The following POLR2E variants were observed in gnomAD, a reference collection of about 807,000 sequenced individuals.
The protein encoded by POLR2E is DNA-directed RNA polymerases I, II, and III subunit RPABC1.
POLR2E carries 35 observed loss-of-function variants against 29.8 expected under a neutral mutation model. The ratio of observed to expected loss-of-function variants is 1.17; its 90% CI spans 0.90 to 1.55. The LOEUF (loss-of-function observed/expected upper bound fraction) is 1.55, where lower values mean the gene tolerates loss of function less well. Ranked by LOEUF, POLR2E falls within the 40% of genes most tolerant of loss-of-function variation. The pLI, the probability that POLR2E is intolerant of heterozygous loss-of-function variation, is 0.00. For missense variants in POLR2E, 287 were observed against 288.6 expected (o/e 0.99, Z 0.04); for synonymous variants, 174 against 112.6 (o/e 1.55, Z -3.45).
At chr19:1,090,684 C>T (rs572992412) in intron 4 of POLR2E, among the ~76,000 whole-genome samples, 1 of 152,096 alleles carries the variant, frequency 6.6e-6, no homozygotes, top group South Asian at 2.1e-4. Context: ...TCCCAAAGTG[C>T]TGGGATTACA....
rs1313525268 is a variant in POLR2E at position 1,095,346 on chromosome 19, C to A, written c.-31G>T. 8 of 1,611,880 alleles carry A rather than the reference C, an allele frequency of 5.0e-6. No homozygotes were observed. Among genetic ancestry groups the A allele is most frequent in the Non-Finnish European group, 6.8e-6 (8 of 1,179,236 alleles). ...CCTCCGCCGCCGCCGCCGCTCGCAC[C>A]CCTTCTCCGCGCGAGAACCCGCGCG... On this transcript the variant is annotated 5_prime_UTR_variant, in exon 1 of 8. Coordinates refer to ENST00000615234, the MANE Select transcript of POLR2E (RefSeq NM_002695.5).
Position 1,089,475 on chromosome 19 carries a change from T to TCAGGCGGTAGCTACTGCAC in POLR2E, c.625_*10dup, listed in dbSNP as rs2043781822. 6.2e-7 allele frequency: 1 copy of TCAGGCGGTAGCTACTGCAC among 1,609,868 alleles called. No individual in the cohort carries two copies. Among genetic ancestry groups the TCAGGCGGTAGCTACTGCAC allele is most frequent in the Non-Finnish European group, 8.5e-7 (1 of 1,176,670 alleles). ...GCCTGTCCCTCGGCCGTCTCACCTG[T>TCAGGCGGTAGCTACTGCAC]CAGGCGGTAGCTACTGCACCAGCCG... On this transcript the variant is annotated 3_prime_UTR_variant, in exon 7 of 8. Transcript: ENST00000615234.
At chr19:1,094,187 C>T (rs1015066586) in intron 1 of POLR2E, 109 bp from the exon 2 acceptor site, 15 of 984,682 alleles carry the variant, frequency 1.5e-5, no homozygotes, top group Non-Finnish European at 2.2e-5. Flanking sequence ...AGGTGAACAG[C>T]AAACGGGATG....
In POLR2E at chr19:1,093,765, G is replaced by T. The variant is rs1453587061; in HGVS notation, c.232+139C>A. Reference sequence around the variant, plus strand: ...CAACGGCATCACCCACAGCAAGGAAGGGGAGGGGAGTTTTCCTCCCAGACT... The same window carrying T: ...CAACGGCATCACCCACAGCAAGGAATGGGAGGGGAGTTTTCCTCCCAGACT... On this transcript the variant is annotated intron_variant, in intron 2 of 7. Coordinates refer to ENST00000615234, the MANE Select transcript of POLR2E (RefSeq NM_002695.5). The T allele has an allele frequency of 1.1e-5, 15 of 1,415,434 alleles. No individual in the cohort carries two copies. The South Asian group carries it at 2.0e-4, about 19-fold the overall frequency. The allele number at this position is 1,415,434 out of a possible 1,614,324, so 87.7% of individuals were successfully genotyped here.
chr19:1,091,849 C>A lies in POLR2E; in HGVS notation c.291G>T (p.Glu97Asp). The change falls in exon 3 of 8, where the codon GAG becomes GAT. Residue 97 changes from glutamate (E) to aspartate (D), a missense_variant. Glu to Asp is a conservative substitution (Grantham distance 45). Transcript: ENST00000615234. ...CCACGATGAGAGCCCGTGTGATGTT[C>A]TCCTCCTGCATGCGCTGGCAGTACA... ...IKVYCQRMQEENITRALIVVQ... is the reference protein window; with the variant it reads ...IKVYCQRMQEDNITRALIVVQ... The A allele has an allele frequency of 1.2e-6, 2 of 1,613,126 alleles. No homozygotes were observed. The highest frequency in any genetic ancestry group is 1.7e-6 in the Non-Finnish European group (2 of 1,179,700).
intron 2 of POLR2E, chr19:1,093,602 C>CAT: frequency 2.1e-6 from 1 of 468,062 alleles, no homozygotes. Context: ...GATGGGGGAG[C>CAT]CAAGGGACAC....
In POLR2E at chr19:1,095,346, C is replaced by G; in HGVS notation, c.-31G>C. ...CCTCCGCCGCCGCCGCCGCTCGCACCCCTTCTCCGCGCGAGAACCCGCGCG... is the reference window on the plus strand; with the variant it reads ...CCTCCGCCGCCGCCGCCGCTCGCACGCCTTCTCCGCGCGAGAACCCGCGCG... On this transcript the variant is annotated 5_prime_UTR_variant, in exon 1 of 8. Coordinates refer to ENST00000615234, the MANE Select transcript of POLR2E (RefSeq NM_002695.5). The G allele has an allele frequency of 6.2e-7, 1 of 1,611,998 alleles. No individual in the cohort carries two copies.
At chr19:1,090,043 C>T (rs369351804) in intron 5 of POLR2E, 44 bp downstream of exon 5, 98 of 1,531,580 alleles carry the variant, frequency 6.4e-5, no homozygotes, top group Admixed American at 2.5e-4. Flanking sequence ...GCGGAAGTCT[C>T]GAGGGACAGG....
intron 7 of POLR2E, 52 bp downstream of exon 7, chr19:1,089,420 C>G (rs55994602): frequency 8.1e-7 from 1 of 1,233,838 alleles, no homozygotes; most frequent in East Asian, 2.4e-5. Context: ...ACGGAGGGGA[C>G]GACACCCCTG....
chr19:1,093,692 A>G (rs867038660), intron 2 of POLR2E: 20 of 1,322,244 alleles, frequency 1.5e-5, no homozygotes, highest in Middle Eastern at 2.8e-4. Context: ...AGAGAAGGGG[A>G]CTGAGAGGGA....
intron 4 of POLR2E, 33 bp from the exon 5 acceptor site, chr19:1,090,178 A>C (rs751558653): frequency 6.3e-7 from 1 of 1,599,278 alleles, no homozygotes; most frequent in South Asian, 1.1e-5. Flanking sequence ...GGCATCACCA[A>C]GGGCTGGTGA....
At chr19:1,090,226 C>G in intron 4 of POLR2E, 81 bp from the exon 5 acceptor site, 1 of 1,185,794 alleles carries the variant, frequency 8.4e-7, no homozygotes, top group Admixed American at 1.8e-5. Context: ...ACAGCCCCTG[C>G]GCCTTCAGAC....
intron 6 of POLR2E, 109 bp from the exon 7 acceptor site, chr19:1,089,660 T>C (rs1185741494): frequency 2.1e-6 from 2 of 950,252 alleles, no homozygotes; most frequent in African/African-American, 1.6e-5. Context: ...GGGTCCGAGA[T>C]GGCTGACCCT....
rs1402872486 is a variant in POLR2E, at chr19:1,087,170, T to C, written c.*1565A>G. 6.6e-6 allele frequency: 1 copy of C among 150,390 alleles called. No individual in the cohort carries two copies. Among genetic ancestry groups the C allele is most frequent in the Non-Finnish European group, 1.5e-5 (1 of 67,600 alleles). 9.3% of individuals were successfully genotyped at this position (150,390 alleles called of 1,614,324 possible). ...TGTGCCCAGGTAATCTTAAAGTTTT[T>C]TGTAGAGGTGGGGGGTTTCTCTGTG... On this transcript the variant is annotated 3_prime_UTR_variant, in exon 8 of 8. Transcript: ENST00000615234.
intron 6 of POLR2E, 94 bp from the exon 7 acceptor site, chr19:1,089,645 G>T: frequency 9.0e-7 from 1 of 1,112,302 alleles, no homozygotes; most frequent in Non-Finnish European, 1.4e-6. Flanking sequence ...GGGGATGGCC[G>T]GCAGGGGTCC....
Position 1,091,872 on chromosome 19 carries a change from A to T in POLR2E, c.268T>A (p.Tyr90Asn), listed in dbSNP as rs1195457733. 1 of 1,613,170 alleles carries T rather than the reference A, an allele frequency of 6.2e-7. No individual in the cohort carries two copies. The highest frequency in any genetic ancestry group is 1.7e-5 in the Admixed American group (1 of 60,016). ...TTCTCCTCCTGCATGCGCTGGCAGTACACCTTGATGGTCTTGATGCCCACC... is the reference window on the plus strand; with the variant it reads ...TTCTCCTCCTGCATGCGCTGGCAGTTCACCTTGATGGTCTTGATGCCCACC... ...PKVGIKTIKVYCQRMQEENIT... is the reference protein window; with the variant it reads ...PKVGIKTIKVNCQRMQEENIT... The change falls in exon 3 of 8, where the codon TAC becomes AAC. Residue 90 changes from tyrosine to asparagine, a missense_variant. Physicochemically the swap from Tyr to Asn is moderately radical, Grantham distance 143. Coordinates refer to ENST00000615234, the MANE Select transcript of POLR2E (RefSeq NM_002695.5).
intron 2 of POLR2E, chr19:1,092,483 C>CCT (rs1415861854): frequency 1.3e-5 from 2 of 152,052 alleles, no homozygotes; most frequent in Non-Finnish European, 1.5e-5. Flanking sequence ...GGGCAGATCA[C>CCT]GATGTCAGGA....
At position 1,089,411 on chromosome 19, in the gene POLR2E, CGGAG is replaced by C. The variant is rs1314219591; in HGVS notation, c.*14+57_*14+60del. Reference sequence around the variant, plus strand: ...AAGCAAGAACAGCCCTGCACACCGACGGAGGGGACGACACCCCTGCCTCTGACCC... The same window carrying C: ...AAGCAAGAACAGCCCTGCACACCGACGGGACGACACCCCTGCCTCTGACCC... On this transcript the variant is annotated intron_variant, in intron 7 of 7. Transcript: ENST00000615234. 1.3e-5 allele frequency: 14 copies of C among 1,111,146 alleles called. No individual in the cohort carries two copies. In the Admixed American group the frequency reaches 2.2e-4, roughly 17 times the overall value. 68.8% of individuals were successfully genotyped at this position (1,111,146 alleles called of 1,614,324 possible).
At chr19:1,092,209 G>A in intron 2 of POLR2E, 1 of 334,210 alleles carries the variant, frequency 3.0e-6, no homozygotes, top group Non-Finnish European at 5.8e-6. Flanking sequence ...GGCAGTTCTG[G>A]GGAGGCGGGT....
Sources: allele counts gnomAD v4.1 joint callset (sites outside exome capture counted in the v4.1 genomes callset), GRCh38; gene constraint gnomAD v4.1.1; transcripts MANE v1.5; gene names NCBI Gene and HGNC (gene_info 2026-07-23, HGNC 2026-07-21).